PEAK1: variants seen among roughly 807,000 people sequenced by gnomAD.
PEAK1 encodes inactive tyrosine-protein kinase PEAK1.
PEAK1 carries 54 observed loss-of-function variants against 124.7 expected under a neutral mutation model. The ratio of observed to expected loss-of-function variants is 0.43; its 90% confidence interval spans 0.35 to 0.54. PEAK1 has a LOEUF of 0.54. Among genes scored for constraint, PEAK1 ranks in the 20% least tolerant of loss-of-function variants. The pLI, the probability that PEAK1 is intolerant of heterozygous loss-of-function variation, is 0.01. For missense variants in PEAK1, 2,046 were observed against 2,134.5 expected (o/e 0.96, Z 0.82); for synonymous variants, 719 against 760.0 (o/e 0.95, Z 0.89).
At chr15:77,153,338 C>T (rs1303596089) in intron 8 of PEAK1, among the ~76,000 whole-genome samples, 2 of 151,836 alleles carry the variant, frequency 1.3e-5, no homozygotes, top group Admixed American at 1.3e-4. Flanking sequence ...TGGTGATATC[C>T]CCTTTATCAT....
intron 6 of PEAK1, among the ~76,000 whole-genome samples, chr15:77,211,605 T>C (rs968541010): frequency 6.6e-6 from 1 of 152,078 alleles, no homozygotes; most frequent in African/African-American, 2.4e-5. Context: ...TCCCAGCACT[T>C]TGGGAGGCCG....
chr15:77,241,794 G>A (rs1022951054), intron 6 of PEAK1, among the ~76,000 whole-genome samples: 1 of 151,992 alleles, frequency 6.6e-6, no homozygotes, highest in African/African-American at 2.4e-5. Flanking sequence ...GGAGGGGTAT[G>A]CTGAGAACCA....
chr15:77,162,675 G>A (rs1327765064), intron 7 of PEAK1, among the ~76,000 whole-genome samples: 2 of 152,060 alleles, frequency 1.3e-5, no homozygotes, highest in Non-Finnish European at 2.9e-5. Context: ...ACAATAAAAT[G>A]GGAATTCGAA....
At chr15:77,399,265 T>G (rs1227321149) in intron 1 of PEAK1, among the ~76,000 whole-genome samples, 1 of 152,088 alleles carries the variant, frequency 6.6e-6, no homozygotes, top group Non-Finnish European at 1.5e-5. Context: ...AATAGACAAT[T>G]TAATGTCTAT....
At position 77,158,544 on chromosome 15, in the gene PEAK1, G is replaced by C. The variant is rs1567044157; in HGVS notation, c.3290C>G (p.Pro1097Arg). Residue 1097 changes from proline to arginine, a missense_variant, in exon 8 of 10, where the codon CCT becomes CGT. Physicochemically the swap from Pro to Arg is moderately radical, Grantham distance 103. Coordinates refer to ENST00000682557, the MANE Select transcript of PEAK1 (RefSeq NM_001385026.1). ...REDGKEDISDPMDPNPCSATY... is the reference protein window; with the variant it reads ...REDGKEDISDRMDPNPCSATY... ...TGCACTACAAGGGTTCGGGTCCATA[G>C]GATCTGAAATGTCTTCTTTTCCATC... The C allele has an allele frequency of 1.2e-6, 2 of 1,614,150 alleles. No homozygotes were observed. The highest frequency in any genetic ancestry group is 1.3e-5 in the African/African-American group (1 of 75,052).
At chr15:77,228,030 A>G (rs1031943123) in intron 6 of PEAK1, among the ~76,000 whole-genome samples, 7 of 152,062 alleles carry the variant, frequency 4.6e-5, no homozygotes, top group African/African-American at 1.7e-4. Flanking sequence ...AATATTCTAC[A>G]TATATATTTT....
chr15:77,354,972 G>T (rs951603968), intron 2 of PEAK1, among the ~76,000 whole-genome samples: 11 of 151,890 alleles, frequency 7.2e-5, no homozygotes, highest in African/African-American at 2.4e-4. Flanking sequence ...CTGGGAGGCG[G>T]AGCTTGCAGT....
At chr15:77,163,390 G>T (rs1364071566) in intron 7 of PEAK1, among the ~76,000 whole-genome samples, 2 of 152,132 alleles carry the variant, frequency 1.3e-5, no homozygotes, top group Admixed American at 6.5e-5. Context: ...CAAATCCCTT[G>T]GAAGGTTGTA....
At chr15:77,132,884 A>T in intron 9 of PEAK1, 121 bp downstream of exon 9, 1 of 912,404 alleles carries the variant, frequency 1.1e-6, no homozygotes, top group Non-Finnish European at 1.7e-6. Context: ...GGTAAGAGGT[A>T]GATGCTCAAT....
chr15:77,363,965 G>A (rs972917897), intron 2 of PEAK1, among the ~76,000 whole-genome samples: 7 of 152,098 alleles, frequency 4.6e-5, no homozygotes, highest in African/African-American at 7.2e-5. Context: ...TTGGGAGGCC[G>A]AGGTGGGAGG....
chr15:77,369,634 T>C (rs2068508466), intron 1 of PEAK1, among the ~76,000 whole-genome samples: 1 of 152,108 alleles, frequency 6.6e-6, no homozygotes, highest in Non-Finnish European at 1.5e-5. Context: ...AGTTTAAAAG[T>C]TTAAAGGGGA....
rs373041292 is a variant in PEAK1, at chr15:77,114,675, C to A, written c.4722G>T (p.Gln1574His). 7 of 1,613,748 alleles carry A rather than the reference C, an allele frequency of 4.3e-6. No homozygotes were observed. The African/African-American group carries it at 9.4e-5, about 22-fold the overall frequency. Residue 1574 changes from glutamine (Q) to histidine (H), a missense_variant, in exon 10 of 10, where the codon CAG becomes CAT. Coordinates refer to ENST00000682557, the MANE Select transcript of PEAK1 (RefSeq NM_001385026.1). The part of the protein sequence containing the change: ...HLVDPEILRD[Q>H]SRLAPEIITA... ...TTATGATCTCTGGGGCAAGGCGAGA[C>A]TGGTCCCGGAGGATCTCGGGGTCCA...
chr15:77,115,398 G>T, intron 9 of PEAK1, 79 bp from the exon 10 acceptor site: 1 of 1,339,758 alleles, frequency 7.5e-7, no homozygotes, highest in Non-Finnish European at 1.0e-6. Flanking sequence ...TAACTGGAAG[G>T]TGACTGGTTA....
At chr15:77,256,445 G>C (rs1252394065) in intron 5 of PEAK1, among the ~76,000 whole-genome samples, 1 of 151,798 alleles carries the variant, frequency 6.6e-6, no homozygotes, top group African/African-American at 2.4e-5. Flanking sequence ...GAAATACAAT[G>C]GTCTACTAGG....
chr15:77,273,264 A>G (rs1275067690), intron 5 of PEAK1, among the ~76,000 whole-genome samples: 1 of 152,180 alleles, frequency 6.6e-6, no homozygotes, highest in Non-Finnish European at 1.5e-5. Context: ...AGTCCTAGCC[A>G]GAAAAATTAG....
chr15:77,153,682 G>A (rs2054863031), intron 8 of PEAK1, among the ~76,000 whole-genome samples: 1 of 152,094 alleles, frequency 6.6e-6, no homozygotes, highest in Non-Finnish European at 1.5e-5. Flanking sequence ...CTGGTATGTT[G>A]TGTCTTTGTT....
At chr15:77,170,340 A>C (rs1476510357) in intron 7 of PEAK1, among the ~76,000 whole-genome samples, 1 of 152,212 alleles carries the variant, frequency 6.6e-6, no homozygotes, top group Non-Finnish European at 1.5e-5. Context: ...GTCCCAATTA[A>C]AAGGTAATCC....
chr15:77,210,890 A>G (rs1218359695), intron 6 of PEAK1, among the ~76,000 whole-genome samples: 1 of 152,200 alleles, frequency 6.6e-6, no homozygotes, highest in Non-Finnish European at 1.5e-5. Flanking sequence ...TCTCTGTCTC[A>G]AAAAACAAAA....
At chr15:77,377,109 GGGCAGT>G (rs71145818) in intron 1 of PEAK1, among the ~76,000 whole-genome samples, 44,592 of 151,910 alleles carry the variant, frequency 0.29, 7,095 homozygotes, top group Middle Eastern at 0.38. Flanking sequence ...AAGGGGCTGG[GGGCAGT>G]GGCTCATGCC....
Sources: allele counts gnomAD v4.1 joint callset (sites outside exome capture counted in the v4.1 genomes callset), GRCh38; gene constraint gnomAD v4.1.1; transcripts MANE v1.5; gene names NCBI Gene and HGNC (gene_info 2026-07-23, HGNC 2026-07-21).